The following CAPN11 variants were observed in gnomAD, a reference collection of about 807,000 sequenced individuals.
CAPN11 encodes the protein calpain-11.
A neutral mutation model predicts 105.3 loss-of-function variants in CAPN11; 108 were observed. The observed-to-expected ratio is 1.03, with a 90% confidence interval of 0.88 to 1.20. The LOEUF (loss-of-function observed/expected upper bound fraction) is 1.20. CAPN11 is among the 50% of genes most tolerant of loss of function. The pLI, the probability that CAPN11 is intolerant of heterozygous loss-of-function variation, is 0.00. For synonymous variants in CAPN11, 329 were observed against 344.5 expected (o/e 0.96, Z 0.50); for missense variants, 883 against 924.8 (o/e 0.95, Z 0.59).
chr6:44,163,718 C>T (rs1379051708), intron 1 of CAPN11, among the ~76,000 whole-genome samples: 23 of 152,158 alleles, frequency 1.5e-4, no homozygotes, highest in Admixed American at 1.5e-3. Context: ...TTTAGAAATG[C>T]TATATAAGTG....
intron 9 of CAPN11, 43 bp from the exon 10 acceptor site, chr6:44,176,538 A>G (rs1183185454): frequency 6.4e-7 from 1 of 1,566,028 alleles, no homozygotes. Context: ...GAGGTGCCAC[A>G]TGACCTCCGC....
rs1774219989 is a variant in CAPN11, at chr6:44,184,310, C to CA, written c.*379dup. 3.5e-6 allele frequency: 1 copy of CA among 284,908 alleles called. No individual in the cohort carries two copies. The highest frequency in any genetic ancestry group is 6.7e-6 in the Non-Finnish European group (1 of 149,158). The allele number at this position is 284,908 out of a possible 1,614,324, so 17.6% of individuals were successfully genotyped here. A position where few individuals can be genotyped will look rare whatever the true frequency, so the allele number is the denominator to read the frequency against. Reference sequence around the variant, plus strand: ...TACCCTCCATGCTTGCTGTCCTGCTCACACCTACCTGCTGACCACCCATCC... The same window carrying CA: ...TACCCTCCATGCTTGCTGTCCTGCTCAACACCTACCTGCTGACCACCCATCC... On this transcript the variant is annotated 3_prime_UTR_variant, in exon 23 of 23. Transcript: ENST00000398776.
At chr6:44,173,590 T>C (rs1771418393) in intron 7 of CAPN11, among the ~76,000 whole-genome samples, 1 of 151,748 alleles carries the variant, frequency 6.6e-6, no homozygotes, top group African/African-American at 2.4e-5. Context: ...GTTTGTTTGT[T>C]TTGTTTTTTT....
chr6:44,166,069 T>G (rs1347666178), intron 1 of CAPN11, among the ~76,000 whole-genome samples: 2 of 151,934 alleles, frequency 1.3e-5, no homozygotes, highest in Non-Finnish European at 2.9e-5. Flanking sequence ...TGTGTTGGGA[T>G]CTTGGGGGAC....
Position 44,177,306 on chromosome 6 carries a change from C to G in CAPN11, c.1302C>G (p.Asp434Glu). 1 of 1,613,528 alleles carries G rather than the reference C, an allele frequency of 6.2e-7. No individual in the cohort carries two copies. Residue 434 changes from aspartate (D) to glutamate (E), a missense_variant, in exon 12 of 23, where the codon GAC becomes GAG. Coordinates refer to ENST00000398776, the MANE Select transcript of CAPN11 (RefSeq NM_007058.4). Reference protein sequence around the residue: ...SLPEGDDPEDDAEGNVVVCTC... With the variant: ...SLPEGDDPEDEAEGNVVVCTC... ...CTGAGGGGGATGACCCAGAGGATGACGCAGAGGGCAATGTTGTGGTCTGCA... is the reference window on the plus strand; with the variant it reads ...CTGAGGGGGATGACCCAGAGGATGAGGCAGAGGGCAATGTTGTGGTCTGCA...
At position 44,184,031 on chromosome 6, in the gene CAPN11, C is replaced by G; in HGVS notation, c.*99C>G. On this transcript the variant is annotated 3_prime_UTR_variant, in exon 23 of 23. Coordinates refer to ENST00000398776, the MANE Select transcript of CAPN11 (RefSeq NM_007058.4). The stretch of plus-strand genomic sequence containing the variant: ...TTCTTGTAGCCCTCAGCTCTCCGGT[C>G]TCTGCTGATGAAATGGGCTCCAGGT... 7.5e-7 allele frequency: 1 copy of G among 1,336,456 alleles called. No homozygotes were observed. Among genetic ancestry groups the G allele is most frequent in the Non-Finnish European group, 1.0e-6 (1 of 960,326 alleles). 82.8% of individuals were successfully genotyped at this position (1,336,456 alleles called of 1,614,324 possible).
Position 44,180,621 on chromosome 6 carries a change from G to A in CAPN11, c.1705G>A (p.Asp569Asn). The A allele has an allele frequency of 6.2e-7, 1 of 1,613,774 alleles. No homozygotes were observed. The highest frequency in any genetic ancestry group is 8.5e-7 in the Non-Finnish European group (1 of 1,179,830). The change falls in exon 16 of 23, where the codon GAC (aspartate) becomes AAC (asparagine). Residue 569 changes from aspartate (D) to asparagine (N), a missense_variant. By Grantham distance (23) the Asp-to-Asn change is conservative. Transcript: ENST00000398776. The stretch of plus-strand genomic sequence containing the variant: ...GGAAAAGGTCTCTGAGGATGACATG[G>A]ACCAGGACTTCCTACATTTGTTTAA... The part of the protein sequence containing the change: ...QEEKVSEDDM[D>N]QDFLHLFKIV...
intron 2 of CAPN11, among the ~76,000 whole-genome samples, chr6:44,167,041 A>G (rs1770020660): frequency 6.6e-6 from 1 of 152,006 alleles, no homozygotes; most frequent in African/African-American, 2.4e-5. Context: ...CAGAGTCCCA[A>G]GCCGCCTGGC....
Position 44,176,065 on chromosome 6 carries a change from T to C in CAPN11, c.832-3T>C, listed in dbSNP as rs557559558. 1 of 1,605,914 alleles carries C rather than the reference T, an allele frequency of 6.2e-7. No homozygotes were observed. The highest frequency in any genetic ancestry group is 1.3e-5 in the African/African-American group (1 of 74,870). ...ATGCTCTCCCTCCCTCTCTGTTCTG[T>C]AGGTCACCAGTGATAGTGAACTGGA... On this transcript the variant is annotated splice_region_variant and splice_polypyrimidine_tract_variant and intron_variant, in intron 7 of 22. Transcript: ENST00000398776.
chr6:44,183,138 G>C lies in CAPN11; in HGVS notation c.2037G>C (p.Lys679Asn), dbSNP rs377096326. 6.2e-7 allele frequency: 1 copy of C among 1,613,232 alleles called. No homozygotes were observed. Among genetic ancestry groups the C allele is most frequent in the African/African-American group, 1.3e-5 (1 of 75,008 alleles). ...IEKAGIKLNN[K>N]VMQVLVARYA... ...TCTCAGGCATCAAGCTGAACAACAA[G>C]GTAATGCAGGTCCTGGTGGCCAGGT... Residue 679 changes from lysine (K) to asparagine (N), a missense_variant, in exon 21 of 23, where the codon AAG (lysine) becomes AAC (asparagine). Physicochemically the swap from Lys to Asn is moderately conservative, Grantham distance 94 (BLOSUM62 0). Coordinates refer to ENST00000398776, the MANE Select transcript of CAPN11 (RefSeq NM_007058.4).
chr6:44,181,384 C>T, intron 19 of CAPN11, 64 bp downstream of exon 19: 2 of 1,335,482 alleles, frequency 1.5e-6, no homozygotes, highest in South Asian at 2.4e-5. Flanking sequence ...AGAGATGGAA[C>T]TAATGAGGGG....
At chr6:44,165,234 G>C (rs988201095) in intron 1 of CAPN11, among the ~76,000 whole-genome samples, 17 of 152,294 alleles carry the variant, frequency 1.1e-4, no homozygotes, top group African/African-American at 3.9e-4. Context: ...GAGAACTAGT[G>C]GGGGAGGAGG....
At chr6:44,159,160 TTGGAGTTG>T (rs1476515297) in intron 1 of CAPN11, among the ~76,000 whole-genome samples, 1 of 151,974 alleles carries the variant, frequency 6.6e-6, no homozygotes, top group African/African-American at 2.4e-5. Flanking sequence ...CCACTGACAG[TTGGAGTTG>T]GGGAGAGGAG....
chr6:44,181,519 GAC>G (rs1561854121), intron 19 of CAPN11, among the ~76,000 whole-genome samples, 199 bp downstream of exon 19: 18 of 46,424 alleles, frequency 3.9e-4, no homozygotes, highest in African/African-American at 1.3e-3. Flanking sequence ...CTCACATACA[GAC>G]ACAACCACAC....
At chr6:44,181,416 CCACA>C (rs143990221) in intron 19 of CAPN11, 96 bp downstream of exon 19, 53,449 of 333,590 alleles carry the variant, frequency 0.16, 13,754 homozygotes, top group African/African-American at 0.38. Context: ...CAAGCCCTAA[CCACA>C]CACACACACA....
intron 12 of CAPN11, 61 bp downstream of exon 12, chr6:44,177,481 TTTC>T (rs1772285570): frequency 5.7e-6 from 8 of 1,413,538 alleles, no homozygotes; most frequent in Middle Eastern, 2.5e-4. Context: ...CACTCCTTTC[TTTC>T]TTTCTTTCTT....
At chr6:44,183,570 C>A in intron 21 of CAPN11, 135 bp from the exon 22 acceptor site, 1 of 817,270 alleles carries the variant, frequency 1.2e-6, no homozygotes, top group Non-Finnish European at 2.1e-6. Flanking sequence ...CATTAATTCC[C>A]CACTTGGCTA....
In CAPN11 at chr6:44,181,244, C is replaced by T; in HGVS notation, c.1870-8C>T. On this transcript the variant is annotated splice_polypyrimidine_tract_variant and splice_region_variant and intron_variant, in intron 18 of 22. Transcript: ENST00000398776. Reference sequence around the variant, plus strand: ...ACTCCTTCTCTGCTGTCCTTGACCACCTTCCAGAAAGATGGCTCTGGCAAG... The same window carrying T: ...ACTCCTTCTCTGCTGTCCTTGACCATCTTCCAGAAAGATGGCTCTGGCAAG... 6.2e-7 allele frequency: 1 copy of T among 1,613,338 alleles called. No individual in the cohort carries two copies. Among genetic ancestry groups the T allele is most frequent in the Non-Finnish European group, 8.5e-7 (1 of 1,179,444 alleles).
chr6:44,168,903 G>A (rs1227657281), intron 2 of CAPN11: 2 of 441,354 alleles, frequency 4.5e-6, no homozygotes, highest in Non-Finnish European at 9.2e-6. Context: ...TTACAGGTGT[G>A]AGCCACCACA....
Sources: gnomAD v4.1 joint callset for allele counts (sites outside exome capture counted in the v4.1 genomes callset) on GRCh38, gnomAD v4.1.1 for gene constraint, MANE v1.5 for transcripts, NCBI Gene and HGNC (gene_info 2026-07-23, HGNC 2026-07-21) for gene names.